The following TMEM232 variants were observed in gnomAD, a reference collection of about 807,000 sequenced individuals.
The protein encoded by TMEM232 is transmembrane protein 232.
In TMEM232, 80 loss-of-function variants were observed where a neutral mutation model predicts 78.8. That is an observed-to-expected ratio of 1.01 (90% CI 0.85 to 1.22). TMEM232 has a LOEUF of 1.22. Ranked by LOEUF, TMEM232 falls within the 50% of genes most tolerant of loss-of-function variation. The pLI is 0.00. For synonymous variants in TMEM232, 297 were observed against 254.3 expected, an observed-to-expected ratio of 1.17 and a Z score of -1.60; for missense variants, 881 against 742.2, an observed-to-expected ratio of 1.19 and a Z score of -2.17.
At chr5:110,398,492 A>G (rs1050397084) in intron 2 of TMEM232, among the ~76,000 whole-genome samples, 1 of 152,156 alleles carries the variant, frequency 6.6e-6, no homozygotes, top group Non-Finnish European at 1.5e-5. Flanking sequence ...CCACAGAACC[A>G]CAGTCTCTAT....
chr5:110,524,444 G>GAAAAGAAAA (rs1770249708), intron 12 of TMEM232, among the ~76,000 whole-genome samples: 2 of 146,184 alleles, frequency 1.4e-5, no homozygotes, highest in South Asian at 4.3e-4. Context: ...AGAAAAGAAA[G>GAAAAGAAAA]GAAAGAAAGA....
intron 12 of TMEM232, among the ~76,000 whole-genome samples, chr5:110,488,620 T>TTCAAG (rs1346571302): frequency 2.0e-5 from 3 of 151,966 alleles, no homozygotes; most frequent in Admixed American, 6.6e-5. Flanking sequence ...AACAGTAAAG[T>TTCAAG]TCAAGTCAAC....
At chr5:110,720,850 C>A (rs1434974018) in intron 1 of TMEM232, 2 of 151,974 alleles carry the variant, frequency 1.3e-5, no homozygotes, top group Non-Finnish European at 2.9e-5. Flanking sequence ...GATGCACTGT[C>A]ATTTATAAAA....
chr5:110,495,587 C>G (rs775371295), intron 12 of TMEM232, among the ~76,000 whole-genome samples: 2 of 151,790 alleles, frequency 1.3e-5, no homozygotes, highest in African/African-American at 4.8e-5. Context: ...TAAGGCTTTA[C>G]AGATATAAAA....
chr5:110,515,090 A>G (rs1050973325), intron 12 of TMEM232, among the ~76,000 whole-genome samples: 1 of 152,226 alleles, frequency 6.6e-6, no homozygotes, highest in Non-Finnish European at 1.5e-5. Context: ...TTCTGAACTT[A>G]TGGTTGCAAA....
chr5:110,405,393 T>G (rs1755749617), intron 2 of TMEM232, among the ~76,000 whole-genome samples: 1 of 151,930 alleles, frequency 6.6e-6, no homozygotes, highest in African/African-American at 2.4e-5. Flanking sequence ...TTAGAAGATA[T>G]GTGATGAAGC....
intron 8 of TMEM232, among the ~76,000 whole-genome samples, chr5:110,616,621 C>T (rs1782955326): frequency 6.6e-6 from 1 of 151,610 alleles, no homozygotes; most frequent in African/African-American, 2.4e-5. Flanking sequence ...AAACAAATAG[C>T]CCAATGAAAA....
intron 1 of TMEM232, among the ~76,000 whole-genome samples, chr5:110,702,840 T>C (rs1047195465): frequency 1.3e-5 from 2 of 152,020 alleles, no homozygotes; most frequent in African/African-American, 4.8e-5. Context: ...ACAGCACTCA[T>C]CAGAGCTTGT....
At chr5:110,479,911 C>T (rs997507981) in intron 12 of TMEM232, among the ~76,000 whole-genome samples, 2 of 151,684 alleles carry the variant, frequency 1.3e-5, no homozygotes, top group African/African-American at 4.8e-5. Context: ...TATTGAAATA[C>T]AATATAATTT....
At chr5:110,699,654 C>T (rs759787982) in intron 1 of TMEM232, among the ~76,000 whole-genome samples, 2 of 151,804 alleles carry the variant, frequency 1.3e-5, no homozygotes, top group Non-Finnish European at 2.9e-5. Context: ...AACCATTTCT[C>T]GACTGAAAAA....
intron 10 of TMEM232, among the ~76,000 whole-genome samples, chr5:110,573,100 A>G (rs1777151171): frequency 6.6e-6 from 1 of 152,094 alleles, no homozygotes; most frequent in Admixed American, 6.6e-5. Flanking sequence ...AGTTCTTAAT[A>G]AATTCAAAAA....
At chr5:110,696,162 T>G (rs569178166) in intron 1 of TMEM232, among the ~76,000 whole-genome samples, 1 of 152,250 alleles carries the variant, frequency 6.6e-6, no homozygotes, top group East Asian at 1.9e-4. Flanking sequence ...CGAAAATCAA[T>G]AAACGTAATC....
At chr5:110,446,145 C>G (rs903066092) in intron 12 of TMEM232, among the ~76,000 whole-genome samples, 3 of 152,082 alleles carry the variant, frequency 2.0e-5, no homozygotes, top group African/African-American at 7.2e-5. Context: ...ACAAAGACAT[C>G]AGAGAATCTC....
intron 12 of TMEM232, among the ~76,000 whole-genome samples, chr5:110,471,088 A>C (rs1222643259): frequency 6.6e-6 from 1 of 152,192 alleles, no homozygotes; most frequent in African/African-American, 2.4e-5. Context: ...TGAAGAATTC[A>C]ATGAATAAAA....
At chr5:110,552,712 C>T (rs561460783) in intron 11 of TMEM232, among the ~76,000 whole-genome samples, 1 of 152,050 alleles carries the variant, frequency 6.6e-6, no homozygotes, top group Admixed American at 6.6e-5. Context: ...AATATGAAAC[C>T]TATTTTAAAT....
downstream of TMEM232, chr5:110,418,224 C>G (rs183751925): frequency 6.6e-6 from 1 of 152,206 alleles, no homozygotes; most frequent in East Asian, 1.9e-4. Flanking sequence ...GTTAAAATGA[C>G]TGACAGGTTT....
rs567612915 is a variant in TMEM232 at position 110,706,276 on chromosome 5, A to G, written c.-13+20351T>C. On this transcript the variant is annotated intron_variant, in intron 1 of 13. Transcript: ENST00000455884. ...AAAGGAAAAATTTATCTGATTATTC[A>G]CAGACTACCAAAATGTATGCTCAGG... Among the ~76,000 whole-genome samples, 311 of 152,322 alleles carry G rather than the reference A, an allele frequency of 2.0e-3. 1 individual carries two copies. Among genetic ancestry groups the G allele is most frequent in the Non-Finnish European group, 3.7e-3 (250 of 68,030 alleles).
chr5:110,486,421 G>A (rs948029239), intron 12 of TMEM232, among the ~76,000 whole-genome samples: 3 of 151,956 alleles, frequency 2.0e-5, no homozygotes, highest in Admixed American at 2.0e-4. Context: ...GGTTTTTCCA[G>A]TGTTTTCTCC....
At chr5:110,653,952 C>T (rs1179234181) in intron 2 of TMEM232, among the ~76,000 whole-genome samples, 2 of 151,772 alleles carry the variant, frequency 1.3e-5, no homozygotes, top group Admixed American at 1.3e-4. Flanking sequence ...AGGAAGAATA[C>T]TAAGAAAAAA....
Sources: allele counts gnomAD v4.1 joint callset (sites outside exome capture counted in the v4.1 genomes callset), GRCh38; gene constraint gnomAD v4.1.1; transcripts MANE v1.5; gene names NCBI Gene and HGNC (gene_info 2026-07-23, HGNC 2026-07-21).